The following PPP2R1B variants were observed in gnomAD, a reference collection of about 807,000 sequenced individuals.
The protein encoded by PPP2R1B is serine/threonine-protein phosphatase 2A 65 kDa regulatory subunit A beta isoform.
In PPP2R1B, 58 loss-of-function variants were observed where a neutral mutation model predicts 72.7. That is an observed-to-expected ratio of 0.80 (90% CI 0.65 to 0.99). PPP2R1B has a LOEUF of 0.99. PPP2R1B is among the 50% of genes least tolerant of loss of function. The pLI, the probability that PPP2R1B is intolerant of heterozygous loss-of-function variation, is 0.00. For missense variants in PPP2R1B, 695 were observed against 733.6 expected, an observed-to-expected ratio of 0.95 and a Z score of 0.61; for synonymous variants, 256 against 264.6, an observed-to-expected ratio of 0.97 and a Z score of 0.32.
At chr11:111,690,221 T>C in the PPP2R1B span, among the ~76,000 whole-genome samples, 7 of 151,538 alleles carry the variant, frequency 4.6e-5, no homozygotes, top group African/African-American at 1.7e-4. Context: ...TGTTTAATGC[T>C]CCTTGAAAGC....
rs1591675905 is a variant in PPP2R1B at position 111,740,639 on chromosome 11, T to C, written c.*957A>G. ...AACACTTCAAATGATAAGACTCCAG[T>C]ATCACCCATACTAAAAACTTAGCAA... is the stretch of plus-strand genomic sequence containing the variant. On this transcript the variant is annotated 3_prime_UTR_variant, in exon 15 of 15. Coordinates refer to ENST00000527614, the MANE Select transcript of PPP2R1B (RefSeq NM_002716.5). The C allele has an allele frequency of 2.0e-6, 2 of 985,304 alleles. No individual in the cohort carries two copies. The highest frequency in any genetic ancestry group is 2.4e-6 in the Non-Finnish European group (2 of 829,836). 61.0% of individuals were successfully genotyped at this position (985,304 alleles called of 1,614,324 possible). A position where few individuals can be genotyped will look rare whatever the true frequency, so the allele number is the denominator to read the frequency against.
At chr11:111,737,545 AG>A (rs373908310), downstream of PPP2R1B, 11 of 1,614,198 alleles carry the variant, frequency 6.8e-6, no homozygotes, top group African/African-American at 1.5e-4. Flanking sequence ...AGGAAATTCT[AG>A]CTTCCTCAGC....
Position 111,764,896 on chromosome 11 carries a change from T to A in PPP2R1B, c.215A>T (p.Tyr72Phe), listed in dbSNP as rs114880263. ...ELLPFLTDTI[Y>F]DEDEVLLALA... is the part of the protein sequence containing the mutation. ...AGCTAATAGTACCTCATCTTCATCATAAATTGTATCTGGAAGTGACAACAA... is the reference window on the plus strand; with the variant it reads ...AGCTAATAGTACCTCATCTTCATCAAAAATTGTATCTGGAAGTGACAACAA... The change falls in exon 3 of 15, where the codon TAT (tyrosine) becomes TTT (phenylalanine). Residue 72 changes from tyrosine (Y) to phenylalanine (F), a missense_variant. Coordinates refer to ENST00000527614, the MANE Select transcript of PPP2R1B (RefSeq NM_002716.5). 3.4e-5 allele frequency: 55 copies of A among 1,613,884 alleles called. No homozygotes were observed. In the African/African-American group the frequency reaches 6.0e-4, roughly 18 times the overall value.
At chr11:111,722,525 G>A (rs532099942), downstream of PPP2R1B, 69 of 775,416 alleles carry the variant, frequency 8.9e-5, no homozygotes, top group African/African-American at 1.1e-3. The surrounding 1 kb of genome is among the most constrained non-coding windows in gnomAD (Gnocchi z 4.4). Context: ...AGGGTCTCAG[G>A]GAGTAAATGT....
At chr11:111,693,236 G>C in the PPP2R1B span, among the ~76,000 whole-genome samples, 1 of 152,074 alleles carries the variant, frequency 6.6e-6, no homozygotes, top group Admixed American at 6.6e-5. Context: ...GGAGGCTGAG[G>C]CAGGAGAGAA....
Position 111,740,669 on chromosome 11 carries a change from A to G in PPP2R1B, c.*927T>C. ...CCCATACTAAAAACTTAGCAATAAA[A>G]CTGCAGTTTGAAAAGCTACTGTACA... On this transcript the variant is annotated 3_prime_UTR_variant, in exon 15 of 15. Coordinates refer to ENST00000527614, the MANE Select transcript of PPP2R1B (RefSeq NM_002716.5). The G allele has an allele frequency of 1.0e-6, 1 of 985,330 alleles. No homozygotes were observed. The highest frequency in any genetic ancestry group is 1.2e-6 in the Non-Finnish European group (1 of 829,852). The allele number at this position is 985,330 out of a possible 1,614,324, so 61.0% of individuals were successfully genotyped here.
chr11:111,713,073 G>C, the PPP2R1B span, among the ~76,000 whole-genome samples: 1 of 152,196 alleles, frequency 6.6e-6, no homozygotes, highest in Non-Finnish European at 1.5e-5. Flanking sequence ...GCTGAGGCAC[G>C]AGAATGTCTT....
downstream of PPP2R1B, chr11:111,737,856 C>A: frequency 2.4e-6 from 3 of 1,237,106 alleles, no homozygotes; most frequent in Non-Finnish European, 3.1e-6. Flanking sequence ...AGAGCCCCAA[C>A]CACAGGAAAG....
chr11:111,716,605 A>C, the PPP2R1B span, among the ~76,000 whole-genome samples: 1 of 152,116 alleles, frequency 6.6e-6, no homozygotes, highest in Non-Finnish European at 1.5e-5. Flanking sequence ...AAGAAGAAAA[A>C]TCAGATCAAT....
At chr11:111,701,693 G>C in the PPP2R1B span, 1 of 1,324,542 alleles carries the variant, frequency 7.5e-7, no homozygotes, top group Admixed American at 2.3e-5. This position sits in a 1 kb window ranked among gnomAD's most constrained non-coding sequence, Gnocchi z 4.2. Context: ...TGACTGAGCT[G>C]TAGGTTAAAA....
At chr11:111,725,824 T>A (rs1274459008), downstream of PPP2R1B, 1 of 152,600 alleles carries the variant, frequency 6.6e-6, no homozygotes, top group Admixed American at 6.5e-5. Flanking sequence ...AGAGACTGCC[T>A]GGTCGCCAGC....
At chr11:111,758,376 G>A (rs1342515001) in intron 5 of PPP2R1B, among the ~76,000 whole-genome samples, 1 of 152,188 alleles carries the variant, frequency 6.6e-6, no homozygotes, top group Admixed American at 6.5e-5. Context: ...CGGATCACAA[G>A]GTCAAGAGAT....
chr11:111,725,433 A>G (rs550917487), downstream of PPP2R1B: 1 of 152,658 alleles, frequency 6.6e-6, no homozygotes, highest in African/African-American at 2.4e-5. Context: ...ACCAACACTT[A>G]CAATTCAGTC....
intron 15 of PPP2R1B, among the ~76,000 whole-genome samples, chr11:111,731,063 C>T (rs1944175573): frequency 6.6e-6 from 1 of 152,240 alleles, no homozygotes; most frequent in Non-Finnish European, 1.5e-5. Flanking sequence ...TACACGTTAG[C>T]CGCTGCAGAT....
chr11:111,693,321 G>C, the PPP2R1B span, among the ~76,000 whole-genome samples: 1 of 148,648 alleles, frequency 6.7e-6, no homozygotes, highest in East Asian at 2.0e-4. Context: ...TGACAGAGGA[G>C]ACTCCGTCTC....
chr11:111,731,107 C>G (rs898922959), intron 15 of PPP2R1B, among the ~76,000 whole-genome samples: 1 of 152,276 alleles, frequency 6.6e-6, no homozygotes, highest in African/African-American at 2.4e-5. Context: ...GCAGCCTGCA[C>G]AAGGACAGGG....
At chr11:111,737,790 C>A, downstream of PPP2R1B, 1 of 1,311,914 alleles carries the variant, frequency 7.6e-7, no homozygotes, top group South Asian at 1.6e-5. Flanking sequence ...GCCACCCCAT[C>A]GGGCCTTTTG....
At position 111,740,946 on chromosome 11, in the gene PPP2R1B, G is replaced by A. The variant is rs1213060346; in HGVS notation, c.*650C>T. 1 of 985,368 alleles carries A rather than the reference G, an allele frequency of 1.0e-6. No homozygotes were observed. Among genetic ancestry groups the A allele is most frequent in the Non-Finnish European group, 1.2e-6 (1 of 829,986 alleles). 61.0% of individuals were successfully genotyped at this position (985,368 alleles called of 1,614,324 possible). On this transcript the variant is annotated 3_prime_UTR_variant, in exon 15 of 15. Coordinates refer to ENST00000527614, the MANE Select transcript of PPP2R1B (RefSeq NM_002716.5). ...AGTTAGGCGTCAACATCACACATTAGCAGCAAGATGCAGCCACACTTCAGG... is the reference window on the plus strand; with the variant it reads ...AGTTAGGCGTCAACATCACACATTAACAGCAAGATGCAGCCACACTTCAGG...
chr11:111,749,706 G>A (rs1944832879), intron 10 of PPP2R1B, among the ~76,000 whole-genome samples: 1 of 152,158 alleles, frequency 6.6e-6, no homozygotes, highest in African/African-American at 2.4e-5. Context: ...ATTTAGATAT[G>A]AAGAGAAATT....
Sources: gnomAD v4.1 joint callset for allele counts (sites outside exome capture counted in the v4.1 genomes callset) on GRCh38, gnomAD v4.1.1 for gene constraint, Gnocchi (gnomAD v3.1) non-coding constraint, MANE v1.5 for transcripts, NCBI Gene and HGNC (gene_info 2026-07-23, HGNC 2026-07-21) for gene names.